Variants in PHKB observed in about 807,000 individuals in gnomAD.
PHKB encodes the protein phosphorylase b kinase regulatory subunit beta.
In PHKB, 122 loss-of-function variants were observed where a neutral mutation model predicts 152.1. The observed-to-expected ratio is 0.80, with a 90% CI of 0.69 to 0.93. The LOEUF is 0.93. Ranked by LOEUF, PHKB falls within the 40% of genes least tolerant of loss-of-function variation. The pLI, the probability that PHKB is intolerant of heterozygous loss-of-function variation, is 0.00. For synonymous variants in PHKB, 436 were observed against 464.9 expected, an observed-to-expected ratio of 0.94 and a Z score of 0.80; for missense variants, 1,304 against 1,328.4, an observed-to-expected ratio of 0.98 and a Z score of 0.29.
chr16:47,509,486 A>G (rs1321219533), intron 4 of PHKB, among the ~76,000 whole-genome samples: 6 of 152,154 alleles, frequency 3.9e-5, no homozygotes, highest in Non-Finnish European at 5.9e-5. Flanking sequence ...CCTCTAGAAC[A>G]ATATTGCCCA....
At chr16:47,581,314 A>T (rs1971840736) in intron 8 of PHKB, among the ~76,000 whole-genome samples, 1 of 152,134 alleles carries the variant, frequency 6.6e-6, no homozygotes, top group South Asian at 2.1e-4. Context: ...CCTCTAGAGG[A>T]TGGATGGGCT....
At chr16:47,520,903 G>A (rs1970674610) in intron 6 of PHKB, among the ~76,000 whole-genome samples, 1 of 152,050 alleles carries the variant, frequency 6.6e-6, no homozygotes, top group Admixed American at 6.5e-5. Context: ...GTTGTTGCTT[G>A]TGCTTTAGGT....
chr16:47,568,789 T>C (rs1971610098), intron 7 of PHKB, among the ~76,000 whole-genome samples: 1 of 152,206 alleles, frequency 6.6e-6, no homozygotes, highest in African/African-American at 2.4e-5. Context: ...TCAAAAATCA[T>C]TCAGGAGCAT....
intron 5 of PHKB, 62 bp downstream of exon 5, chr16:47,511,834 A>G (rs1970515383): frequency 2.7e-6 from 3 of 1,112,828 alleles, no homozygotes; most frequent in African/African-American, 1.5e-5. Context: ...GTGATCCCCA[A>G]CCTTTTTGGC....
intron 6 of PHKB, among the ~76,000 whole-genome samples, chr16:47,545,943 G>C (rs1296118769): frequency 2.0e-5 from 3 of 152,172 alleles, no homozygotes; most frequent in Non-Finnish European, 4.4e-5. Flanking sequence ...AGCTCCATCA[G>C]ATCAGTTGAG....
chr16:47,627,176 T>G (rs892904812), intron 14 of PHKB, among the ~76,000 whole-genome samples: 4 of 152,220 alleles, frequency 2.6e-5, no homozygotes, highest in Admixed American at 2.6e-4. Flanking sequence ...CACCCTCATC[T>G]TACTTATCTT....
At chr16:47,514,545 GC>G (rs1362789573) in intron 5 of PHKB, among the ~76,000 whole-genome samples, 1 of 152,144 alleles carries the variant, frequency 6.6e-6, no homozygotes, top group East Asian at 1.9e-4. Context: ...CATCTGGGTG[GC>G]CCCCAGTCAA....
chr16:47,521,226 A>G (rs2151655525), intron 6 of PHKB, among the ~76,000 whole-genome samples: 1 of 152,336 alleles, frequency 6.6e-6, no homozygotes, highest in Admixed American at 6.5e-5. Flanking sequence ...CAATATGGAT[A>G]GCTTTTAAAT....
chr16:47,649,786 G>A (rs1191988388), intron 18 of PHKB, among the ~76,000 whole-genome samples: 2 of 152,112 alleles, frequency 1.3e-5, no homozygotes, highest in East Asian at 3.8e-4. Context: ...AATAATTAAG[G>A]GGTGTTCTGA....
Position 47,499,742 on chromosome 16 carries a change from G to A in PHKB, c.167-14G>A. Reference sequence around the variant, plus strand: ...GACTGTACAGTTCATTCTTTGTCTTGTCCTCAATTGCAGTCAAGTCAACAT... The same window carrying A: ...GACTGTACAGTTCATTCTTTGTCTTATCCTCAATTGCAGTCAAGTCAACAT... On this transcript the variant is annotated splice_polypyrimidine_tract_variant and intron_variant, in intron 2 of 30. Coordinates refer to ENST00000323584, the MANE Select transcript of PHKB (RefSeq NM_000293.3). 1.2e-6 allele frequency: 2 copies of A among 1,614,036 alleles called. No individual in the cohort carries two copies. Among genetic ancestry groups the A allele is most frequent in the Non-Finnish European group, 1.7e-6 (2 of 1,179,908 alleles).
intron 1 of PHKB, among the ~76,000 whole-genome samples, chr16:47,471,027 G>A (rs1318710582): frequency 6.6e-6 from 1 of 152,152 alleles, no homozygotes; most frequent in African/African-American, 2.4e-5. Context: ...GCACACTATT[G>A]TTGCCTGGGT....
Position 47,689,084 on chromosome 16 carries a change from G to T in PHKB, c.2674G>T (p.Gly892Ter). The T allele has an allele frequency of 6.2e-7, 1 of 1,613,930 alleles. No homozygotes were observed. Among genetic ancestry groups the T allele is most frequent in the Non-Finnish European group, 8.5e-7 (1 of 1,179,920 alleles). Residue 892 changes from glycine (G) to a stop codon, truncating the protein, a stop_gained, in exon 27 of 31, where the codon GGA becomes TGA. Coordinates refer to ENST00000323584, the MANE Select transcript of PHKB (RefSeq NM_000293.3). LOFTEE classifies it high-confidence loss of function. The part of the protein sequence containing the change: ...AMEYELQIRG[G>*]DKPALDLYQL... ...GGAGTATGAACTTCAGATCCGTGGC[G>T]GAGACAAGCCAGCCTTGGACTTGTA...
chr16:47,566,065 C>G (rs574377217), intron 7 of PHKB: 16 of 666,982 alleles, frequency 2.4e-5, no homozygotes, highest in Admixed American at 1.9e-4. Context: ...TACCCACTGC[C>G]AAATGCTTTT....
chr16:47,655,907 A>G (rs1235651404), intron 20 of PHKB, among the ~76,000 whole-genome samples: 3 of 152,202 alleles, frequency 2.0e-5, no homozygotes, highest in East Asian at 3.8e-4. Flanking sequence ...TTTCAGCAGC[A>G]GAGTTTAATG....
At chr16:47,501,557 A>G (rs1364101076) in intron 3 of PHKB, among the ~76,000 whole-genome samples, 1 of 152,168 alleles carries the variant, frequency 6.6e-6, no homozygotes, top group African/African-American at 2.4e-5. Flanking sequence ...TTTTCTAGAG[A>G]TACTTCTGAA....
In PHKB at chr16:47,689,158, GC is replaced by G; in HGVS notation, c.2750del (p.Pro917LeufsTer9). On this transcript the variant is annotated frameshift_variant, in exon 27 of 31. Coordinates refer to ENST00000323584, the MANE Select transcript of PHKB (RefSeq NM_000293.3). LOFTEE classifies it high-confidence loss of function. ...VKQLLLDILQ[P>X]QQNGRCWLNR... ...AACAGCTTCTGCTGGATATTCTGCA[GC>G]CTCAACAGAATGGAAGGTAATAAGG... 1 of 1,613,992 alleles carries G rather than the reference GC, an allele frequency of 6.2e-7. No homozygotes were observed. Among genetic ancestry groups the G allele is most frequent in the Non-Finnish European group, 8.5e-7 (1 of 1,179,934 alleles).
intron 1 of PHKB, among the ~76,000 whole-genome samples, chr16:47,468,902 G>A (rs1969716502): frequency 6.6e-6 from 1 of 152,050 alleles, no homozygotes; most frequent in African/African-American, 2.4e-5. Flanking sequence ...ACTGCTGTTT[G>A]GGTAGCTTGT....
At chr16:47,493,863 A>G (rs898762560) in intron 1 of PHKB, among the ~76,000 whole-genome samples, 2 of 152,258 alleles carry the variant, frequency 1.3e-5, no homozygotes, top group Non-Finnish European at 2.9e-5. Flanking sequence ...AACTCCAACT[A>G]GTAGTTCAAA....
intron 1 of PHKB, among the ~76,000 whole-genome samples, chr16:47,461,916 A>G (rs1969569263): frequency 6.6e-6 from 1 of 152,208 alleles, no homozygotes; most frequent in Admixed American, 6.5e-5. Flanking sequence ...GGTTCTAAGC[A>G]GTAGACCTGT....
Sources: allele counts gnomAD v4.1 joint callset (sites outside exome capture counted in the v4.1 genomes callset), GRCh38; gene constraint gnomAD v4.1.1; transcripts MANE v1.5; gene names NCBI Gene and HGNC (gene_info 2026-07-23, HGNC 2026-07-21).